Variants in PDCD10 observed in about 807,000 individuals in gnomAD.
PDCD10 encodes programmed cell death 10.
PDCD10 carries 4 observed loss-of-function variants against 29.2 expected under a neutral mutation model. The ratio of observed to expected loss-of-function variants is 0.14; its 90% CI spans 0.07 to 0.31. The LOEUF is 0.31. Ranked by LOEUF, PDCD10 falls within the 10% of genes least tolerant of loss-of-function variation. PDCD10 has a pLI of 1.00. For missense variants in PDCD10, 183 were observed against 257.9 expected, an observed-to-expected ratio of 0.71 and a Z score of 1.99; for synonymous variants, 70 against 82.2, an observed-to-expected ratio of 0.85 and a Z score of 0.80.
chr3:167,690,478 C>A (rs1720106520), intron 6 of PDCD10, among the ~76,000 whole-genome samples: 1 of 152,150 alleles, frequency 6.6e-6, no homozygotes, highest in Non-Finnish European at 1.5e-5. Context: ...ATGCAGATTA[C>A]AAACAGTAAA....
Position 167,684,487 on chromosome 3 carries a change from A to G in PDCD10, c.558-98T>C, listed in dbSNP as rs973673795. 32 of 697,970 alleles carry G rather than the reference A, an allele frequency of 4.6e-5. No homozygotes were observed. In the African/African-American group the frequency reaches 5.8e-4, roughly 13 times the overall value. 43.2% of individuals were successfully genotyped at this position (697,970 alleles called of 1,614,324 possible). The stretch of plus-strand genomic sequence containing the variant: ...AGTAGCAATGGAATCAATTTTAGAA[A>G]AAAAAAAAAGACAAGTTAGTATTAT... On this transcript the variant is annotated intron_variant, in intron 8 of 8. Coordinates refer to ENST00000392750, the MANE Select transcript of PDCD10 (RefSeq NM_007217.4).
intron 4 of PDCD10, among the ~76,000 whole-genome samples, chr3:167,701,627 A>G (rs1414120602): frequency 6.6e-6 from 1 of 152,214 alleles, no homozygotes; most frequent in Non-Finnish European, 1.5e-5. Flanking sequence ...CCTCTAAATC[A>G]GCCTCTACAT....
intron 3 of PDCD10, among the ~76,000 whole-genome samples, chr3:167,719,040 G>T (rs531237889): frequency 1.6e-4 from 24 of 151,760 alleles, no homozygotes; most frequent in Non-Finnish European, 3.1e-4. Flanking sequence ...AGTGTAAATG[G>T]ATCACTCTCT....
Position 167,731,720 on chromosome 3 carries a change from A to T in PDCD10, c.-117+2494T>A, listed in dbSNP as rs190293443. ...AGGGAGCTTATAGTCCAGTGAGGAG[A>T]CAGTATTTGTCAAATAAATACAGAA... On this transcript the variant is annotated intron_variant, in intron 2 of 8. Transcript: ENST00000392750. Among the ~76,000 whole-genome samples the T allele has an allele frequency of 3.3e-5, 5 of 152,322 alleles. No homozygotes were observed. The East Asian group carries it at 7.7e-4, about 23-fold the overall frequency.
chr3:167,704,927 T>C lies in PDCD10; in HGVS notation c.97-32A>G, dbSNP rs773768079. ...TAAAAATTTTAAATTATTATGAATA[T>C]CAACTTTCTTGGAAAAAGCACATTT... is the stretch of plus-strand genomic sequence containing the variant. On this transcript the variant is annotated intron_variant, in intron 3 of 8. Transcript: ENST00000392750. The C allele has an allele frequency of 2.3e-5, 32 of 1,416,086 alleles. No homozygotes were observed. In the African/African-American group the frequency reaches 3.8e-4, roughly 17 times the overall value. 87.7% of individuals were successfully genotyped at this position (1,416,086 alleles called of 1,614,324 possible).
intron 3 of PDCD10, among the ~76,000 whole-genome samples, chr3:167,710,401 T>C (rs549168832): frequency 6.6e-6 from 1 of 152,118 alleles, no homozygotes; most frequent in Admixed American, 6.5e-5. Context: ...GGGTTTTAAG[T>C]GAACATCAAC....
intron 4 of PDCD10, among the ~76,000 whole-genome samples, chr3:167,703,359 A>G (rs1016514173): frequency 6.6e-6 from 1 of 152,108 alleles, no homozygotes; most frequent in Non-Finnish European, 1.5e-5. Flanking sequence ...TACTAAATAT[A>G]TATGTACTCA....
intron 3 of PDCD10, among the ~76,000 whole-genome samples, chr3:167,718,986 T>A (rs1482923132): frequency 1.3e-5 from 2 of 152,082 alleles, no homozygotes; most frequent in Non-Finnish European, 2.9e-5. Context: ...AAATTTAAAA[T>A]GTTGACTGCA....
At chr3:167,720,852 C>A (rs1450922389) in intron 2 of PDCD10, among the ~76,000 whole-genome samples, 1 of 151,952 alleles carries the variant, frequency 6.6e-6, no homozygotes, top group Non-Finnish European at 1.5e-5. Flanking sequence ...CAAATGTGAT[C>A]CACTTGGTAA....
chr3:167,708,737 C>T (rs1722246455), intron 3 of PDCD10, among the ~76,000 whole-genome samples: 1 of 152,204 alleles, frequency 6.6e-6, no homozygotes, highest in Non-Finnish European at 1.5e-5. Flanking sequence ...GTTCTGTGGG[C>T]TGCCAAGCTG....
intron 3 of PDCD10, among the ~76,000 whole-genome samples, chr3:167,712,708 C>T (rs769487970): frequency 1.1e-4 from 17 of 151,696 alleles, no homozygotes; most frequent in Admixed American, 4.6e-4. Context: ...CTGTTGCCTA[C>T]GAGAAACACA....
At chr3:167,704,789 C>T (rs1475218242) in intron 4 of PDCD10, 53 bp downstream of exon 4, 6 of 1,238,238 alleles carry the variant, frequency 4.8e-6, no homozygotes, top group Non-Finnish European at 6.0e-6. Context: ...CATGTACTTA[C>T]ATTTACAAAG....
intron 8 of PDCD10, among the ~76,000 whole-genome samples, chr3:167,686,192 T>C (rs1398227791): frequency 1.3e-5 from 2 of 152,212 alleles, no homozygotes; most frequent in African/African-American, 2.4e-5. Context: ...TAACTACCTA[T>C]ACGGCCAGAC....
rs554565251 is a variant in PDCD10 at position 167,713,172 on chromosome 3, C to A, written c.96+6890G>T. ...TTTTCCCCAGCACATGGATCATTCTCAAGGACAGATCATATGTTAGGTCAC... is the reference window on the plus strand; with the variant it reads ...TTTTCCCCAGCACATGGATCATTCTAAAGGACAGATCATATGTTAGGTCAC... On this transcript the variant is annotated intron_variant, in intron 3 of 8. Coordinates refer to ENST00000392750, the MANE Select transcript of PDCD10 (RefSeq NM_007217.4). Among the ~76,000 whole-genome samples the A allele has an allele frequency of 2.6e-5, 4 of 152,166 alleles. No individual in the cohort carries two copies. The South Asian group carries it at 8.3e-4, about 32-fold the overall frequency.
chr3:167,684,857 C>T (rs1719423315), intron 8 of PDCD10, among the ~76,000 whole-genome samples: 1 of 152,136 alleles, frequency 6.6e-6, no homozygotes, highest in Non-Finnish European at 1.5e-5. Context: ...GGTAGAAATT[C>T]TAAGCTACAA....
chr3:167,718,130 T>G (rs1257835055), intron 3 of PDCD10, among the ~76,000 whole-genome samples: 1 of 152,124 alleles, frequency 6.6e-6, no homozygotes, highest in Non-Finnish European at 1.5e-5. Flanking sequence ...CAAACTAAAT[T>G]GTTACCAAGA....
chr3:167,704,646 G>C (rs1559960498), intron 4 of PDCD10, 196 bp downstream of exon 4: 3 of 499,714 alleles, frequency 6.0e-6, no homozygotes, highest in Non-Finnish European at 7.2e-6. Flanking sequence ...GTGATGAAAA[G>C]ATGAATGCTA....
intron 2 of PDCD10, 67 bp from the exon 3 acceptor site, chr3:167,720,340 T>C: frequency 1.8e-6 from 1 of 568,598 alleles, no homozygotes; most frequent in East Asian, 2.9e-5. Context: ...ACCAATAATT[T>C]TCCTTTCCAA....
At chr3:167,722,815 C>T (rs1027611242) in intron 2 of PDCD10, among the ~76,000 whole-genome samples, 3 of 152,138 alleles carry the variant, frequency 2.0e-5, no homozygotes, top group Admixed American at 2.0e-4. Flanking sequence ...ACATCTCTAC[C>T]TACCTACCCC....
Sources: allele counts gnomAD v4.1 joint callset (sites outside exome capture counted in the v4.1 genomes callset), GRCh38; gene constraint gnomAD v4.1.1; transcripts MANE v1.5; gene names NCBI Gene and HGNC (gene_info 2026-07-23, HGNC 2026-07-21).